AXDND1: variants seen among roughly 807,000 people sequenced by gnomAD.
AXDND1 encodes the protein axonemal dynein light chain domain-containing protein 1.
In AXDND1, 110 loss-of-function variants were observed where a neutral mutation model predicts 137.5. The observed-to-expected ratio is 0.80, with a 90% confidence interval of 0.69 to 0.94. AXDND1 has a LOEUF of 0.94. AXDND1 is among the 40% of genes least tolerant of loss of function. The pLI is 0.00. For missense variants in AXDND1, 1,191 were observed against 1,169.8 expected (o/e 1.02, Z -0.26); for synonymous variants, 414 against 399.7 (o/e 1.04, Z -0.43).
At chr1:179,494,698 C>T (rs539447891) in intron 20 of AXDND1, among the ~76,000 whole-genome samples, 1 of 152,092 alleles carries the variant, frequency 6.6e-6, no homozygotes, top group African/African-American at 2.4e-5. Context: ...GAGAGAAGTT[C>T]TTAATTTTGA....
chr1:179,525,353 T>G lies in AXDND1; in HGVS notation c.2516T>G (p.Ile839Ser). The G allele has an allele frequency of 6.2e-7, 1 of 1,611,466 alleles. No individual in the cohort carries two copies. Among genetic ancestry groups the G allele is most frequent in the Non-Finnish European group, 8.5e-7 (1 of 1,178,480 alleles). ...LLEEEAVKEF[I>S]EPEIDESFKE... ...TCACAGGAGGCTGTAAAAGAATTCA[T>G]TGAGCCTGAAATAGACGAGTCTTTT... Residue 839 changes from isoleucine to serine, a missense_variant, in exon 22 of 26, where the codon ATT (isoleucine) becomes AGT (serine). By Grantham distance (142) the Ile-to-Ser change is moderately radical. Transcript: ENST00000367618.
intron 16 of AXDND1, chr1:179,451,249 G>A (rs897451456): frequency 2.0e-5 from 3 of 151,768 alleles, no homozygotes; most frequent in Admixed American, 6.6e-5. Flanking sequence ...TTTTGATTAC[G>A]GACTTAACCT....
intron 17 of AXDND1, among the ~76,000 whole-genome samples, chr1:179,481,456 G>A (rs4652400): frequency 0.32 from 48,422 of 152,140 alleles, 8,322 homozygotes; most frequent in Middle Eastern, 0.43. Context: ...GTGTGCATGT[G>A]TCTTTATAGC....
intron 15 of AXDND1, among the ~76,000 whole-genome samples, chr1:179,437,468 GT>G (rs1472702935): frequency 2.0e-5 from 3 of 152,190 alleles, no homozygotes; most frequent in African/African-American, 7.2e-5. Context: ...CGCAGTGTGA[GT>G]TTGCTCACAT....
intron 15 of AXDND1, among the ~76,000 whole-genome samples, chr1:179,440,796 A>C (rs2125348753): frequency 6.6e-6 from 1 of 152,380 alleles, no homozygotes; most frequent in South Asian, 2.1e-4. Flanking sequence ...TTCTGGGTCT[A>C]GTATACTTTT....
intron 8 of AXDND1, among the ~76,000 whole-genome samples, chr1:179,384,877 C>G (rs370642995): frequency 3.3e-5 from 5 of 151,960 alleles, no homozygotes; most frequent in African/African-American, 1.2e-4. Context: ...GATCCTCCCA[C>G]CTCAGCCTCC....
chr1:179,495,914 T>TA (rs71297882), intron 20 of AXDND1, among the ~76,000 whole-genome samples: 3 of 150,534 alleles, frequency 2.0e-5, no homozygotes, highest in South Asian at 4.2e-4. Context: ...TTTTTTTTTT[T>TA]AGTCAGTAAT....
chr1:179,401,258 C>CAAAAAAAA (rs201354000), intron 11 of AXDND1, among the ~76,000 whole-genome samples: 25 of 83,632 alleles, frequency 3.0e-4, no homozygotes, highest in Admixed American at 9.3e-4. Flanking sequence ...AACTCCATCT[C>CAAAAAAAA]AAAAAAAAAA....
At chr1:179,552,400 A>G in intron 25 of AXDND1, 2 of 621,796 alleles carry the variant, frequency 3.2e-6, no homozygotes, top group Non-Finnish European at 2.9e-6. Flanking sequence ...CACTATTATC[A>G]GTAGCTTCAG....
chr1:179,448,122 G>A (rs1660001608), intron 16 of AXDND1: 2 of 902,838 alleles, frequency 2.2e-6, no homozygotes, highest in Admixed American at 1.8e-5. Context: ...TTTTTCTTCT[G>A]TATATGGAGT....
chr1:179,537,292 A>G (rs760260783), intron 25 of AXDND1, among the ~76,000 whole-genome samples: 1 of 151,416 alleles, frequency 6.6e-6, no homozygotes, highest in Non-Finnish European at 1.5e-5. Flanking sequence ...TGTGCTGGGA[A>G]TGCTTCCAGT....
intron 25 of AXDND1, among the ~76,000 whole-genome samples, chr1:179,549,392 G>C (rs553171686): frequency 3.3e-5 from 5 of 152,282 alleles, no homozygotes; most frequent in Non-Finnish European, 5.9e-5. Context: ...ATGCCAGCAA[G>C]CAGACCTGAA....
intron 20 of AXDND1, among the ~76,000 whole-genome samples, chr1:179,497,387 CATT>C (rs1178103655): frequency 1.3e-5 from 2 of 152,072 alleles, no homozygotes; most frequent in Admixed American, 6.6e-5. Context: ...TTGACTCTAT[CATT>C]ATGAAATTAC....
At chr1:179,486,139 A>AAAAAAAACAAAACAAAAAACT (rs149119239) in intron 18 of AXDND1, among the ~76,000 whole-genome samples, 1 of 87,770 alleles carries the variant, frequency 1.1e-5, no homozygotes, top group South Asian at 5.2e-4. Flanking sequence ...AAAAAAAAAA[A>AAAAAAAACAAAACAAAAAACT]AACCTGATAG....
chr1:179,521,031 G>A (rs1670015571), intron 21 of AXDND1, among the ~76,000 whole-genome samples: 1 of 151,772 alleles, frequency 6.6e-6, no homozygotes, highest in South Asian at 2.1e-4. Context: ...GTCCAGTTAT[G>A]GTTCACTGCA....
intron 9 of AXDND1, among the ~76,000 whole-genome samples, chr1:179,390,117 G>T (rs913598682): frequency 1.3e-5 from 2 of 151,770 alleles, no homozygotes; most frequent in South Asian, 2.1e-4. Flanking sequence ...AGGCTCAAGT[G>T]ATTCTTGTGT....
rs545384803 is a variant in AXDND1 at position 179,423,932 on chromosome 1, T to A, written c.1231-5586T>A. 5.0e-5 allele frequency among the ~76,000 whole-genome samples: 7 copies of A among 141,122 alleles called. No individual in the cohort carries two copies. In the South Asian group the frequency reaches 1.6e-3, roughly 32 times the overall value. 92.6% of individuals were successfully genotyped at this position (141,122 alleles called of 152,430 possible). The stretch of plus-strand genomic sequence containing the variant: ...TCTATATTTGTCTGTGTAGATCATT[T>A]TACCAGTGGGTTTTATAGCTTCAAA... On this transcript the variant is annotated intron_variant, in intron 12 of 25. Transcript: ENST00000367618.
In AXDND1 at chr1:179,534,939, A is replaced by T; in HGVS notation, c.3008A>T (p.Asn1003Ile). 1 of 1,606,144 alleles carries T rather than the reference A, an allele frequency of 6.2e-7. No homozygotes were observed. The highest frequency in any genetic ancestry group is 1.1e-5 in the South Asian group (1 of 88,522). ...QEEEEVRSAE[N>I]SSKSPKKGH ...GAAGAAGAAGTCAGGTCAGCAGAAA[A>T]TTCCTCAAAATCTCCAAAGAAAGGT... is the stretch of plus-strand genomic sequence containing the variant. The change falls in exon 25 of 26, where the codon AAT (asparagine) becomes ATT (isoleucine). Residue 1003 changes from asparagine (N) to isoleucine (I), a missense_variant. Coordinates refer to ENST00000367618, the MANE Select transcript of AXDND1 (RefSeq NM_144696.6).
intron 25 of AXDND1, among the ~76,000 whole-genome samples, chr1:179,541,552 T>C (rs955676505): frequency 6.6e-6 from 1 of 151,708 alleles, no homozygotes; most frequent in Admixed American, 6.6e-5. Context: ...ATACAGGTAA[T>C]ACTTGTGAGT....
Sources: gnomAD v4.1 joint callset for allele counts (sites outside exome capture counted in the v4.1 genomes callset) on GRCh38, gnomAD v4.1.1 for gene constraint, MANE v1.5 for transcripts, NCBI Gene and HGNC (gene_info 2026-07-23, HGNC 2026-07-21) for gene names.